MPPED2: variants seen among roughly 807,000 people sequenced by gnomAD.
The protein encoded by MPPED2 is metallophosphoesterase MPPED2.
A neutral mutation model predicts 33.0 loss-of-function variants in MPPED2; 5 were observed. The ratio of observed to expected loss-of-function variants is 0.15; its 90% CI spans 0.08 to 0.32. The LOEUF (loss-of-function observed/expected upper bound fraction) is 0.32. Ranked by LOEUF, MPPED2 falls within the 10% of genes least tolerant of loss-of-function variation. The probability of loss-of-function intolerance (pLI) is 1.00; values close to 1 mark genes in which losing one functional copy is unlikely to be tolerated. For missense variants in MPPED2, 275 were observed against 372.1 expected (o/e 0.74, Z 2.15); for synonymous variants, 136 against 141.9 (o/e 0.96, Z 0.29).
rs182129175 is a variant in MPPED2, at chr11:30,466,261, T to G, written c.536+29035A>C. ...AACTTAATAGACTTATCTTCCCCCT[T>G]TGAATCAGGATTCAGCTAAGAGAGC... On this transcript the variant is annotated intron_variant, in intron 4 of 6. Coordinates refer to ENST00000358117, the MANE Select transcript of MPPED2 (RefSeq NM_001584.3). 3.8e-3 allele frequency among the ~76,000 whole-genome samples: 582 copies of G among 152,358 alleles called. 2 individuals are homozygous for G. The highest frequency in any genetic ancestry group is 0.013 in the African/African-American group (556 of 41,576).
intron 4 of MPPED2, among the ~76,000 whole-genome samples, chr11:30,477,343 G>A (rs1489444480): frequency 1.3e-5 from 2 of 152,096 alleles, no homozygotes; most frequent in African/African-American, 4.8e-5. Context: ...GCCATCAGTT[G>A]TGATGTTAAG....
chr11:30,578,648 A>G (rs1190237421), intron 2 of MPPED2, among the ~76,000 whole-genome samples: 4 of 152,196 alleles, frequency 2.6e-5, no homozygotes, highest in Admixed American at 2.0e-4. Context: ...TGGGCAAAAC[A>G]CACTTTGTTT....
chr11:30,501,390 T>C (rs1952554202), intron 3 of MPPED2, among the ~76,000 whole-genome samples: 1 of 152,214 alleles, frequency 6.6e-6, no homozygotes, highest in Non-Finnish European at 1.5e-5. Context: ...AATAAGCATT[T>C]GGATCTAAAA....
intron 2 of MPPED2, among the ~76,000 whole-genome samples, chr11:30,574,805 A>C (rs1180904128): frequency 6.6e-6 from 1 of 152,226 alleles, no homozygotes; most frequent in Non-Finnish European, 1.5e-5. Context: ...AAAGTGTTAC[A>C]TACTTGTTGT....
chr11:30,546,562 G>A (rs1422004528), intron 2 of MPPED2, among the ~76,000 whole-genome samples: 7 of 152,144 alleles, frequency 4.6e-5, no homozygotes, highest in Non-Finnish European at 1.0e-4. Flanking sequence ...AGTTAATTGT[G>A]CTTATTGGAA....
chr11:30,442,071 C>G (rs182787579), intron 4 of MPPED2, among the ~76,000 whole-genome samples: 2 of 152,256 alleles, frequency 1.3e-5, no homozygotes, highest in Admixed American at 1.3e-4. Flanking sequence ...CATTTTGTAT[C>G]TTTTCAAGAC....
chr11:30,564,002 G>C (rs989404058), intron 2 of MPPED2, among the ~76,000 whole-genome samples: 1 of 152,200 alleles, frequency 6.6e-6, no homozygotes, highest in African/African-American at 2.4e-5. Flanking sequence ...TCTGGGAACA[G>C]GCCTTGAGAA....
intron 4 of MPPED2, among the ~76,000 whole-genome samples, chr11:30,477,009 C>A (rs1467359771): frequency 6.6e-6 from 1 of 151,998 alleles, no homozygotes; most frequent in Non-Finnish European, 1.5e-5. Flanking sequence ...TTAAAAAATT[C>A]ATTTTAAATT....
chr11:30,460,519 A>T (rs1202460536), intron 4 of MPPED2, among the ~76,000 whole-genome samples: 1 of 152,148 alleles, frequency 6.6e-6, no homozygotes, highest in Non-Finnish European at 1.5e-5. Flanking sequence ...GCTACTCTGG[A>T]GGCTGAGGAG....
At chr11:30,572,626 T>C (rs1443644187) in intron 2 of MPPED2, among the ~76,000 whole-genome samples, 1 of 152,154 alleles carries the variant, frequency 6.6e-6, no homozygotes, top group Non-Finnish European at 1.5e-5. Flanking sequence ...AGTGTATGTT[T>C]AGAATTTTTT....
intron 3 of MPPED2, among the ~76,000 whole-genome samples, chr11:30,521,684 C>A (rs986854481): frequency 6.6e-6 from 1 of 152,204 alleles, no homozygotes; most frequent in Non-Finnish European, 1.5e-5. Flanking sequence ...GTAAATATAT[C>A]TTCTGACCTT....
chr11:30,496,604 C>G (rs1952264760), intron 3 of MPPED2, among the ~76,000 whole-genome samples: 1 of 150,180 alleles, frequency 6.7e-6, no homozygotes, highest in African/African-American at 2.5e-5. Flanking sequence ...AAAGTTACCA[C>G]TAGCAGGAAA....
exon 7 of MPPED2, chr11:30,386,628 G>A (rs1450221160): frequency 2.5e-6 from 1 of 397,948 alleles, no homozygotes; most frequent in Non-Finnish European, 4.4e-6. Context: ...ACAGTGTCTA[G>A]CACAGAGCTG....
intron 4 of MPPED2, among the ~76,000 whole-genome samples, chr11:30,481,418 C>A (rs1392996447): frequency 2.0e-5 from 3 of 152,234 alleles, no homozygotes; most frequent in Middle Eastern, 3.4e-3. Flanking sequence ...ACCATCTGGT[C>A]CCGTTTAAAG....
intron 4 of MPPED2, among the ~76,000 whole-genome samples, chr11:30,494,033 C>G (rs1268681297): frequency 6.6e-6 from 1 of 152,194 alleles, no homozygotes; most frequent in Non-Finnish European, 1.5e-5. Context: ...AGCTCTCAAC[C>G]AGTAACTTTC....
At chr11:30,459,991 A>G (rs1046036873) in intron 4 of MPPED2, among the ~76,000 whole-genome samples, 5 of 152,162 alleles carry the variant, frequency 3.3e-5, no homozygotes, top group African/African-American at 1.2e-4. Context: ...CACTTTGTAG[A>G]CCACATGGCC....
intron 2 of MPPED2, among the ~76,000 whole-genome samples, chr11:30,574,170 A>G (rs1037866899): frequency 6.6e-6 from 1 of 152,196 alleles, no homozygotes; most frequent in Non-Finnish European, 1.5e-5. Flanking sequence ...TGACTCACTC[A>G]GAGCAACTTC....
intron 3 of MPPED2, among the ~76,000 whole-genome samples, chr11:30,525,440 T>C (rs1029952228): frequency 6.6e-6 from 1 of 152,144 alleles, no homozygotes; most frequent in Non-Finnish European, 1.5e-5. Flanking sequence ...ACAATTTTCA[T>C]ACAGTAAAAT....
intron 2 of MPPED2, among the ~76,000 whole-genome samples, chr11:30,569,570 G>A (rs1307215874): frequency 6.6e-6 from 1 of 152,054 alleles, no homozygotes; most frequent in Non-Finnish European, 1.5e-5. Context: ...CACAACATAT[G>A]GTAAGTCTCC....
Sources: gnomAD v4.1 joint callset for allele counts (sites outside exome capture counted in the v4.1 genomes callset) on GRCh38, gnomAD v4.1.1 for gene constraint, MANE v1.5 for transcripts, NCBI Gene and HGNC (gene_info 2026-07-23, HGNC 2026-07-21) for gene names.